The following GLS variants were observed in gnomAD, a reference collection of about 807,000 sequenced individuals.
The protein encoded by GLS is glutaminase kidney isoform, mitochondrial.
Under a neutral mutation model 86.7 loss-of-function variants are expected in GLS, and 36 were observed. That is an observed-to-expected ratio of 0.42 (90% CI 0.32 to 0.55). The LOEUF (loss-of-function observed/expected upper bound fraction) is 0.55. Ranked by LOEUF, GLS falls within the 20% of genes least tolerant of loss-of-function variation. The pLI is 0.17. For missense variants in GLS, 528 were observed against 833.4 expected, an observed-to-expected ratio of 0.63 and a Z score of 4.51; for synonymous variants, 317 against 305.9, an observed-to-expected ratio of 1.04 and a Z score of -0.38.
chr2:190,955,105 G>A lies in GLS; in HGVS notation c.1853+287G>A, dbSNP rs1281450493. ...TTTTGCATTTGGGAAGAAAGAATTG[G>A]AATTTTATCCTCATGGATTTTAAAA... is the stretch of plus-strand genomic sequence containing the variant. On this transcript the variant is annotated intron_variant, in intron 17 of 17. Transcript: ENST00000320717. This position sits in a 1 kb window ranked among gnomAD's most constrained non-coding sequence, Gnocchi z 5.6. Among the ~76,000 whole-genome samples, 1 of 151,924 alleles carries A rather than the reference G, an allele frequency of 6.6e-6. No individual in the cohort carries two copies. The highest frequency in any genetic ancestry group is 2.4e-5 in the African/African-American group (1 of 41,358).
chr2:190,890,984 T>C (rs939710950), intron 1 of GLS, among the ~76,000 whole-genome samples: 5 of 152,070 alleles, frequency 3.3e-5, no homozygotes, highest in Admixed American at 2.0e-4. Context: ...GACCATACAG[T>C]TGGTTTCAAT....
chr2:190,880,906 GCAGCAGCAGCAGCAC>G lies in GLS; in HGVS notation c.-177_-163del, dbSNP rs1167619007. On this transcript the variant is annotated 5_prime_UTR_variant, in exon 1 of 18. Transcript: ENST00000320717. Reference sequence around the variant, plus strand: ...AGCAGCAGCAGCAGCAGCAGCAGCAGCAGCAGCAGCAGCACCCGCATCCGCTGCGGGAGTCCGAGC... The same window carrying G: ...AGCAGCAGCAGCAGCAGCAGCAGCAGCCGCATCCGCTGCGGGAGTCCGAGC... 8 of 930,782 alleles carry G rather than the reference GCAGCAGCAGCAGCAC, an allele frequency of 8.6e-6. No individual in the cohort carries two copies. Among genetic ancestry groups the G allele is most frequent in the African/African-American group, 6.9e-5 (4 of 58,290 alleles). 57.7% of individuals were successfully genotyped at this position (930,782 alleles called of 1,614,324 possible).
At chr2:190,927,767 T>C in intron 12 of GLS, 1 of 206,436 alleles carries the variant, frequency 4.8e-6, no homozygotes. Context: ...GTTTTTAATG[T>C]TTAGCATTAT....
In GLS at chr2:190,936,726, G is replaced by A. The variant is rs568163856; in HGVS notation, c.1650+5089G>A. ...AAGCACTTTCCAAAATGTATTATAA[G>A]GAAGGATTGTATTTTTTAAATTGTT... On this transcript the variant is annotated intron_variant, in intron 14 of 17. Transcript: ENST00000320717. Among the ~76,000 whole-genome samples the A allele has an allele frequency of 5.3e-5, 8 of 151,278 alleles. 1 individual carries two copies. The South Asian group carries it at 1.2e-3, about 24-fold the overall frequency.
chr2:190,891,976 T>G (rs965540506), intron 1 of GLS, among the ~76,000 whole-genome samples: 5 of 152,158 alleles, frequency 3.3e-5, no homozygotes, highest in African/African-American at 1.2e-4. Flanking sequence ...TTAGCTCAGA[T>G]TCCACCTCAT....
rs1287367643 is a variant in GLS, at chr2:190,951,365, A to G, written c.1651-2200A>G. On this transcript the variant is annotated intron_variant, in intron 14 of 17. Transcript: ENST00000320717. This position sits in a 1 kb window ranked among gnomAD's most constrained non-coding sequence, Gnocchi z 4.2. ...GGAATTAAAAATATACTTTCAGGAA[A>G]TAAGCGCTGAAGGGAGAACAATAGG... 1.3e-5 allele frequency among the ~76,000 whole-genome samples: 2 copies of G among 152,126 alleles called. No homozygotes were observed. Among genetic ancestry groups the G allele is most frequent in the Non-Finnish European group, 2.9e-5 (2 of 68,018 alleles).
Position 190,880,906 on chromosome 2 carries a change from G to T in GLS, c.-179G>T, listed in dbSNP as rs1688121231. ...AGCAGCAGCAGCAGCAGCAGCAGCA[G>T]CAGCAGCAGCAGCACCCGCATCCGC... is the stretch of plus-strand genomic sequence containing the variant. On this transcript the variant is annotated 5_prime_UTR_variant, in exon 1 of 18. Coordinates refer to ENST00000320717, the MANE Select transcript of GLS (RefSeq NM_014905.5). 3 of 930,780 alleles carry T rather than the reference G, an allele frequency of 3.2e-6. No individual in the cohort carries two copies. Among genetic ancestry groups the T allele is most frequent in the African/African-American group, 3.4e-5 (2 of 58,290 alleles). 57.7% of individuals were successfully genotyped at this position (930,780 alleles called of 1,614,324 possible).
intron 14 of GLS, among the ~76,000 whole-genome samples, chr2:190,942,844 C>G (rs1001513997): frequency 6.6e-6 from 1 of 152,208 alleles, no homozygotes; most frequent in Non-Finnish European, 1.5e-5. Context: ...GGGAAACCAA[C>G]CAGGGCTAGT....
chr2:190,941,355 TTA>T (rs1484785893), intron 14 of GLS, among the ~76,000 whole-genome samples: 1 of 152,280 alleles, frequency 6.6e-6, no homozygotes, highest in East Asian at 1.9e-4. Context: ...ATAATAAACT[TTA>T]TGAGACACAA....
At chr2:190,907,306 A>G (rs1689185701) in intron 6 of GLS, among the ~76,000 whole-genome samples, 1 of 150,152 alleles carries the variant, frequency 6.7e-6, no homozygotes, top group East Asian at 2.0e-4. Flanking sequence ...CAGTGGCGCA[A>G]TCTCGGCTCG....
chr2:190,904,648 T>G (rs1413211948), intron 5 of GLS, among the ~76,000 whole-genome samples: 1 of 152,192 alleles, frequency 6.6e-6, no homozygotes, highest in Non-Finnish European at 1.5e-5. Flanking sequence ...CCCTAAATAA[T>G]ACAGTACACC....
At chr2:190,945,998 A>T (rs568789730) in intron 14 of GLS, among the ~76,000 whole-genome samples, 2 of 152,338 alleles carry the variant, frequency 1.3e-5, no homozygotes, top group South Asian at 4.1e-4. Context: ...TATATAGTAT[A>T]TTAATAACTG....
chr2:190,958,399 A>G lies in GLS; in HGVS notation c.1853+3581A>G, dbSNP rs778752529. Among the ~76,000 whole-genome samples the G allele has an allele frequency of 1.5e-4, 23 of 152,236 alleles. 1 individual carries two copies. The highest frequency in any genetic ancestry group is 2.1e-4 in the Non-Finnish European group (14 of 68,012). On this transcript the variant is annotated intron_variant, in intron 17 of 17. Coordinates refer to ENST00000320717, the MANE Select transcript of GLS (RefSeq NM_014905.5). ...GCTCCTGGATTCATTGATTTTTTGA[A>G]AGGTTTTTCATGTCTCTGTCTCCTT...
At position 190,895,791 on chromosome 2, in the gene GLS, C is replaced by T; in HGVS notation, c.605+66C>T. ...CTATACGGTGATTCTGCTTTTAAAA[C>T]AAAATTGCATCTTTGAAGGCCACTG... On this transcript the variant is annotated intron_variant, in intron 3 of 17. Transcript: ENST00000320717. The surrounding 1 kb of genome is among the most constrained non-coding windows in gnomAD (Gnocchi z 4.2). 7.5e-7 allele frequency: 1 copy of T among 1,333,446 alleles called. No individual in the cohort carries two copies. The highest frequency in any genetic ancestry group is 1.6e-5 in the South Asian group (1 of 64,486). 82.6% of individuals were successfully genotyped at this position (1,333,446 alleles called of 1,614,324 possible). A position where few individuals can be genotyped will look rare whatever the true frequency, so the allele number is the denominator to read the frequency against.
rs529436909 is a variant in GLS at position 190,955,127 on chromosome 2, A to T, written c.1853+309A>T. ...TTGGAATTTTATCCTCATGGATTTTAAAAAAAAAATTTTTAAATTACACTT... is the reference window on the plus strand; with the variant it reads ...TTGGAATTTTATCCTCATGGATTTTTAAAAAAAAATTTTTAAATTACACTT... On this transcript the variant is annotated intron_variant, in intron 17 of 17. Transcript: ENST00000320717. The surrounding 1 kb of genome is among the most constrained non-coding windows in gnomAD (Gnocchi z 5.6). 6.1e-4 allele frequency among the ~76,000 whole-genome samples: 90 copies of T among 148,358 alleles called. No individual in the cohort carries two copies. Among genetic ancestry groups the T allele is most frequent in the African/African-American group, 1.5e-3 (61 of 39,382 alleles).
chr2:190,923,134 T>C (rs1226686644), intron 9 of GLS, among the ~76,000 whole-genome samples: 1 of 152,222 alleles, frequency 6.6e-6, no homozygotes, highest in Non-Finnish European at 1.5e-5. Flanking sequence ...TCTTAATAGA[T>C]CAGTCATCAC....
chr2:190,881,105 G>C lies in GLS; in HGVS notation c.21G>C (p.Ser7=), dbSNP rs1050258572. MMRLRG[S]GMLRDLLLRS... The stretch of plus-strand genomic sequence containing the variant: ...GCGGCATGATGCGGCTGCGAGGCTC[G>C]GGGATGCTGCGGGACCTGCTCCTGC... Residue 7 remains serine (S), a synonymous_variant, in exon 1 of 18, where the codon TCG becomes TCC. Transcript: ENST00000320717. 6.4e-7 allele frequency: 1 copy of C among 1,562,720 alleles called. No individual in the cohort carries two copies. The highest frequency in any genetic ancestry group is 1.4e-5 in the African/African-American group (1 of 73,948).
intron 12 of GLS, among the ~76,000 whole-genome samples, chr2:190,929,106 G>A (rs988127523): frequency 6.6e-6 from 1 of 151,044 alleles, no homozygotes; most frequent in Non-Finnish European, 1.5e-5. Context: ...CTATCCAGAG[G>A]TACTGACTGA....
At chr2:190,908,682 T>C (rs1343491021) in intron 6 of GLS, among the ~76,000 whole-genome samples, 1 of 152,256 alleles carries the variant, frequency 6.6e-6, no homozygotes, top group African/African-American at 2.4e-5. Flanking sequence ...TTCACGGTCA[T>C]AGGTCTTAGG....
Sources: allele counts gnomAD v4.1 joint callset (sites outside exome capture counted in the v4.1 genomes callset), GRCh38; gene constraint gnomAD v4.1.1; non-coding constraint Gnocchi (gnomAD v3.1); transcripts MANE v1.5; gene names NCBI Gene and HGNC (gene_info 2026-07-23, HGNC 2026-07-21).